Variants in TTC34 observed in about 807,000 individuals in gnomAD.
TTC34 encodes the protein tetratricopeptide repeat domain 34.
In TTC34, 44 loss-of-function variants were observed where a neutral mutation model predicts 40.7. The observed-to-expected ratio is 1.08, with a 90% confidence interval of 0.85 to 1.39. The LOEUF (loss-of-function observed/expected upper bound fraction) is 1.39, where lower values mean the gene tolerates loss of function less well. TTC34 is among the 40% of genes most tolerant of loss of function. The pLI is 0.00. For synonymous variants in TTC34, 422 were observed against 398.6 expected, an observed-to-expected ratio of 1.06 and a Z score of -0.70; for missense variants, 884 against 838.0, an observed-to-expected ratio of 1.05 and a Z score of -0.68.
chr1:2,698,887 A>T (rs910940983), intron 6 of TTC34, among the ~76,000 whole-genome samples: 3 of 148,952 alleles, frequency 2.0e-5, no homozygotes, highest in African/African-American at 7.5e-5. Context: ...CAGCACCCAC[A>T]CCCCCAGGTG....
In TTC34 at chr1:2,686,509, C is replaced by G. The variant is rs1232344477; in HGVS notation, c.2227-40946G>C. Among the ~76,000 whole-genome samples, 3 of 100,876 alleles carry G rather than the reference C, an allele frequency of 3.0e-5. No homozygotes were observed. The East Asian group carries it at 1.0e-3, about 35-fold the overall frequency. The allele number at this position is 100,876 out of a possible 152,430, so 66.2% of individuals were successfully genotyped here. A position where few individuals can be genotyped will look rare whatever the true frequency, so the allele number is the denominator to read the frequency against. ...CAGCTGAGCCTGTGACAGCCTCGAA[C>G]AGCACCCTGCACCCCCAGGGGAGCA... On this transcript the variant is annotated intron_variant, in intron 6 of 8. Coordinates refer to ENST00000401095, the Ensembl canonical transcript of TTC34.
At chr1:2,644,124 T>C in intron 8 of TTC34, 140 bp downstream of exon 8, 3 of 905,080 alleles carry the variant, frequency 3.3e-6, no homozygotes, top group Non-Finnish European at 4.9e-6. Flanking sequence ...AGTGGGTGCC[T>C]CCCACCCCAC....
At chr1:2,787,423 C>A (rs1463347195) in intron 4 of TTC34, 58 bp downstream of exon 4, 40 of 1,419,014 alleles carry the variant, frequency 2.8e-5, no homozygotes, top group Non-Finnish European at 2.1e-5. Context: ...AGGCCTGTGC[C>A]CTCTTCCCAG....
intron 6 of TTC34, among the ~76,000 whole-genome samples, chr1:2,759,412 G>C (rs1219331299): frequency 5.8e-4 from 22 of 37,966 alleles, no homozygotes; most frequent in Admixed American, 6.6e-4. Context: ...AGGTGGGCAT[G>C]TGACAGCCTG....
chr1:2,646,050 C>G (rs1329268380), intron 6 of TTC34, among the ~76,000 whole-genome samples: 1 of 152,162 alleles, frequency 6.6e-6, no homozygotes, highest in Non-Finnish European at 1.5e-5. Context: ...GGTAGAAAGC[C>G]CAGTTACTGC....
chr1:2,656,169 C>A (rs1639336891), intron 6 of TTC34, among the ~76,000 whole-genome samples: 1 of 147,206 alleles, frequency 6.8e-6, no homozygotes, highest in African/African-American at 2.5e-5. Flanking sequence ...GGAACAGCAC[C>A]CACATGCCCA....
chr1:2,778,625 G>A (rs1022762308), intron 6 of TTC34, among the ~76,000 whole-genome samples: 1 of 152,234 alleles, frequency 6.6e-6, no homozygotes, highest in Admixed American at 6.5e-5. Flanking sequence ...AGCTCTGTGG[G>A]GGGAGACAGG....
intron 6 of TTC34, among the ~76,000 whole-genome samples, chr1:2,651,685 G>C (rs116368543): frequency 9.9e-5 from 15 of 152,002 alleles, no homozygotes; most frequent in African/African-American, 3.6e-4. Flanking sequence ...CCACACCCAG[G>C]TGAGCATCTG....
chr1:2,686,362 C>T (rs1570814042), intron 6 of TTC34, among the ~76,000 whole-genome samples: 1 of 150,400 alleles, frequency 6.6e-6, no homozygotes, highest in Non-Finnish European at 1.5e-5. Context: ...CACCCACACC[C>T]CCAGGTGCGC....
chr1:2,645,576 AGGGC>A lies in TTC34; in HGVS notation c.2227-17_2227-14del. On this transcript the variant is annotated splice_polypyrimidine_tract_variant and intron_variant, in intron 6 of 8. Transcript: ENST00000401095. The surrounding 1 kb of genome is among the most constrained non-coding windows in gnomAD (Gnocchi z 4.7). ...CGTCCACGGCTTCCTGCAAGGAGGG[AGGGC>A]GGGCGGGTGCAGAGTTGTCCTAAGT... 5.1e-3 allele frequency: 104 copies of A among 20,374 alleles called. No individual in the cohort carries two copies. Among genetic ancestry groups the A allele is most frequent in the Non-Finnish European group, 8.3e-3 (95 of 11,408 alleles). 1.3% of individuals were successfully genotyped at this position (20,374 alleles called of 1,614,324 possible).
At chr1:2,795,361 G>T (rs1350273364) in intron 2 of TTC34, among the ~76,000 whole-genome samples, 1 of 152,230 alleles carries the variant, frequency 6.6e-6, no homozygotes, top group African/African-American at 2.4e-5. Context: ...GGTGGCTGCA[G>T]CCATCCAGTG....
chr1:2,652,446 C>G (rs913740827), intron 6 of TTC34, among the ~76,000 whole-genome samples: 386 of 137,290 alleles, frequency 2.8e-3, no homozygotes, highest in East Asian at 5.7e-3. Context: ...CACCCACACC[C>G]CCAGGTGAGC....
chr1:2,694,799 C>T (rs1351743902), intron 6 of TTC34, among the ~76,000 whole-genome samples: 10 of 62,280 alleles, frequency 1.6e-4, no homozygotes, highest in East Asian at 8.1e-4. Flanking sequence ...CACACCCAGG[C>T]GAGCATCTGA....
At chr1:2,700,575 AC>A (rs763451679) in intron 6 of TTC34, among the ~76,000 whole-genome samples, 2 of 104,808 alleles carry the variant, frequency 1.9e-5, no homozygotes, top group Admixed American at 1.1e-4. Flanking sequence ...AGCACCCTGC[AC>A]CCCCAGGTGA....
intron 6 of TTC34, among the ~76,000 whole-genome samples, chr1:2,687,532 G>A (rs1440619556): frequency 2.7e-5 from 4 of 147,748 alleles, no homozygotes; most frequent in African/African-American, 1.1e-4. Context: ...ACACCCCCAG[G>A]TGAGCATCTG....
chr1:2,684,767 G>C (rs1243705690), intron 6 of TTC34, among the ~76,000 whole-genome samples: 3 of 128,636 alleles, frequency 2.3e-5, no homozygotes, highest in Non-Finnish European at 4.7e-5. Flanking sequence ...CCCCAGGTGA[G>C]CATCTGACGG....
chr1:2,646,967 C>T lies in TTC34; in HGVS notation c.2227-1404G>A, dbSNP rs562348686. Among the ~76,000 whole-genome samples the T allele has an allele frequency of 2.0e-5, 3 of 152,256 alleles. No individual in the cohort carries two copies. In the South Asian group the frequency reaches 6.2e-4, roughly 32 times the overall value. On this transcript the variant is annotated intron_variant, in intron 6 of 8. Coordinates refer to ENST00000401095, the Ensembl canonical transcript of TTC34. ...GGCTTGGTACTTTTTTCTTTTAGTG[C>T]CTTAAAGGTGCTGTCCCATTGTCTT...
Position 2,787,504 on chromosome 1 carries a change from CCCTCCTCAGCTG to C in TTC34, c.1819_1830del (p.Gln607_Arg610del), listed in dbSNP as rs1413842941. The C allele has an allele frequency of 3.3e-6, 5 of 1,502,914 alleles. No homozygotes were observed. In the African/African-American group the frequency reaches 7.0e-5, roughly 21 times the overall value. The allele number at this position is 1,502,914 out of a possible 1,614,324, so 93.1% of individuals were successfully genotyped here. Reference sequence around the variant, plus strand: ...ACCTGGTTGGCGTCATAGAAGAAGCCCCTCCTCAGCTGCAGCAGGGCCAGTCGTGCCAGCACA... The same window carrying C: ...ACCTGGTTGGCGTCATAGAAGAAGCCCAGCAGGGCCAGTCGTGCCAGCACA... On this transcript the variant is annotated inframe_deletion, in exon 4 of 9. Transcript: ENST00000401095.
intron 6 of TTC34, among the ~76,000 whole-genome samples, chr1:2,682,060 C>G (rs1228687667): frequency 8.7e-6 from 1 of 115,228 alleles, no homozygotes; most frequent in East Asian, 2.4e-4. Flanking sequence ...GGAGCAGCAC[C>G]CCACACCCAC....
Sources: allele counts gnomAD v4.1 joint callset (sites outside exome capture counted in the v4.1 genomes callset), GRCh38; gene constraint gnomAD v4.1.1; non-coding constraint Gnocchi (gnomAD v3.1); transcripts MANE v1.5; gene names NCBI Gene and HGNC (gene_info 2026-07-23, HGNC 2026-07-21).